WDR82: variants seen among roughly 807,000 people sequenced by gnomAD.
The protein encoded by WDR82 is WD repeat-containing protein 82.
A neutral mutation model predicts 36.1 loss-of-function variants in WDR82; 8 were observed. That is an observed-to-expected ratio of 0.22 (90% CI 0.13 to 0.40). The LOEUF is 0.40. Ranked by LOEUF, WDR82 falls within the 10% of genes least tolerant of loss-of-function variation. The pLI is 1.00. For missense variants in WDR82, 185 were observed against 400.5 expected (o/e 0.46, Z 4.59); for synonymous variants, 129 against 137.8 (o/e 0.94, Z 0.45).
In WDR82 at chr3:52,270,776, A is replaced by G. The variant is rs1172300305; in HGVS notation, c.195T>C (p.Gly65=). 1.2e-6 allele frequency: 2 copies of G among 1,612,922 alleles called. No individual in the cohort carries two copies. Among genetic ancestry groups the G allele is most frequent in the South Asian group, 2.2e-5 (2 of 90,786 alleles). Reference sequence around the variant, plus strand: ...CATGAGTGTATCTGATGAGGTCCACACCATATTTCTTACTGTACAGGGTTC... The same window carrying G: ...CATGAGTGTATCTGATGAGGTCCACGCCATATTTCTTACTGTACAGGGTTC... ...PKRTLYSKKY[G]VDLIRYTHAA... is the part of the protein sequence containing the mutation. Residue 65 remains glycine (G), a synonymous_variant, in exon 2 of 9, where the codon GGT becomes GGC. Transcript: ENST00000296490.
In WDR82 at chr3:52,278,428, T is replaced by G. The variant is rs1228397272; in HGVS notation, c.-67A>C. On this transcript the variant is annotated 5_prime_UTR_variant, in exon 1 of 9. Coordinates refer to ENST00000296490, the MANE Select transcript of WDR82 (RefSeq NM_025222.4). The stretch of plus-strand genomic sequence containing the variant: ...GGGGCCCGGCGGCGAGCGGGCGGGC[T>G]GCCGAGGGGCCAACCCAGGCGGGGC... 1 of 1,202,822 alleles carries G rather than the reference T, an allele frequency of 8.3e-7. No homozygotes were observed. The highest frequency in any genetic ancestry group is 1.6e-5 in the African/African-American group (1 of 61,774). 74.5% of individuals were successfully genotyped at this position (1,202,822 alleles called of 1,614,324 possible).
chr3:52,261,334 C>T lies in WDR82; in HGVS notation c.426+46G>A, dbSNP rs554719785. The T allele has an allele frequency of 2.3e-4, 347 of 1,538,714 alleles. 1 individual carries two copies. In the South Asian group the frequency reaches 2.8e-3, roughly 12 times the overall value. On this transcript the variant is annotated intron_variant, in intron 4 of 8. Transcript: ENST00000296490. ...TGAGAGGTAGAGTTCATTACAGTGCCTACCAAAGAAAATGCTCAAAAAGTA... is the reference window on the plus strand; with the variant it reads ...TGAGAGGTAGAGTTCATTACAGTGCTTACCAAAGAAAATGCTCAAAAAGTA...
intron 2 of WDR82, 180 bp from the exon 3 acceptor site, chr3:52,267,198 C>T (rs1374459159): frequency 1.1e-5 from 5 of 438,932 alleles, no homozygotes; most frequent in Non-Finnish European, 2.1e-5. Flanking sequence ...GTAGATTTCA[C>T]CTAACTCAAA....
intron 1 of WDR82, among the ~76,000 whole-genome samples, chr3:52,277,987 A>T (rs1700222450): frequency 6.6e-6 from 1 of 152,338 alleles, no homozygotes; most frequent in South Asian, 2.1e-4. Flanking sequence ...CATACAAATA[A>T]TATTATAAAA....
intron 8 of WDR82, among the ~76,000 whole-genome samples, chr3:52,257,820 G>A (rs932420779): frequency 9.2e-5 from 14 of 152,120 alleles, no homozygotes; most frequent in African/African-American, 3.1e-4. Context: ...GGGTGAATAA[G>A]TAACCTGTCC....
intron 1 of WDR82, among the ~76,000 whole-genome samples, chr3:52,273,757 G>C (rs888931425): frequency 1.3e-5 from 2 of 152,170 alleles, no homozygotes; most frequent in African/African-American, 4.8e-5. Context: ...GAGTAGCTGG[G>C]ATTACAGGCC....
chr3:52,268,219 A>G, intron 2 of WDR82: 1 of 428,216 alleles, frequency 2.3e-6, no homozygotes, highest in Non-Finnish European at 5.0e-6. Context: ...CTGGTTTCCC[A>G]GAGATGAGCA....
At chr3:52,269,196 C>T (rs964528376) in intron 2 of WDR82, among the ~76,000 whole-genome samples, 2 of 152,132 alleles carry the variant, frequency 1.3e-5, no homozygotes, top group African/African-American at 2.4e-5. Context: ...GAATCCTGGC[C>T]GGGCGTGGTG....
chr3:52,258,690 A>G lies in WDR82; in HGVS notation c.770-12T>C. ...GCCATCCTCTGAACCTAAAGAGGAT[A>G]TTCACGGAAAATGTAACAGCTCAAG... On this transcript the variant is annotated splice_polypyrimidine_tract_variant and intron_variant, in intron 7 of 8. Coordinates refer to ENST00000296490, the MANE Select transcript of WDR82 (RefSeq NM_025222.4). The G allele has an allele frequency of 1.2e-6, 2 of 1,614,216 alleles. No homozygotes were observed. Among genetic ancestry groups the G allele is most frequent in the South Asian group, 1.1e-5 (1 of 91,082 alleles).
At chr3:52,269,199 G>A (rs1485945048) in intron 2 of WDR82, among the ~76,000 whole-genome samples, 1 of 152,202 alleles carries the variant, frequency 6.6e-6, no homozygotes, top group Non-Finnish European at 1.5e-5. Flanking sequence ...TCCTGGCCGG[G>A]CGTGGTGGTT....
intron 4 of WDR82, among the ~76,000 whole-genome samples, chr3:52,261,155 C>G (rs1700057944): frequency 6.6e-6 from 1 of 152,152 alleles, no homozygotes; most frequent in African/African-American, 2.4e-5. Flanking sequence ...AACAAAACAA[C>G]AAAAAACCCA....
chr3:52,267,010 G>T lies in WDR82; in HGVS notation c.268C>A (p.Arg90Ser). 3 of 1,609,086 alleles carry T rather than the reference G, an allele frequency of 1.9e-6. No individual in the cohort carries two copies. In the South Asian group the frequency reaches 3.3e-5, roughly 18 times the overall value. Residue 90 changes from arginine to serine, a missense_variant, in exon 3 of 9, where the codon CGT (arginine) becomes AGT (serine). Around this residue, in one of 3 missense-constraint regions of WDR82, gnomAD observed 26 missense variants for 107.4 expected, o/e 0.24. Coordinates refer to ENST00000296490, the MANE Select transcript of WDR82 (RefSeq NM_025222.4). Reference protein sequence around the residue: ...YSSNKIDDTIRYLSLHDNKYI... With the variant: ...YSSNKIDDTISYLSLHDNKYI... ...TTGTTGTCATGCAAGGACAAGTAAC[G>T]AATAGTATCTGTAAAAAGACAAACA... is the stretch of plus-strand genomic sequence containing the variant.
chr3:52,270,847 T>C, intron 1 of WDR82, 38 bp from the exon 2 acceptor site: 1 of 1,477,090 alleles, frequency 6.8e-7, no homozygotes, highest in Non-Finnish European at 9.3e-7. Context: ...ATGAACATTC[T>C]CCATCATCAA....
At position 52,258,620 on chromosome 3, in the gene WDR82, C is replaced by T. The variant is rs377234087; in HGVS notation, c.828G>A (p.Val276=). ...TCGGGCCTGTGTGTTTACCATCCAACACAGCTACTTTTATACCGCTCTCTC... is the reference window on the plus strand; with the variant it reads ...TCGGGCCTGTGTGTTTACCATCCAATACAGCTACTTTTATACCGCTCTCTC... ...WNGESGIKVA[V]LDGKHTGPIT... The change falls in exon 8 of 9, where the codon GTG becomes GTA. Residue 276 remains valine, a synonymous_variant. Transcript: ENST00000296490. The T allele has an allele frequency of 6.2e-7, 1 of 1,614,220 alleles. No individual in the cohort carries two copies. The highest frequency in any genetic ancestry group is 8.5e-7 in the Non-Finnish European group (1 of 1,180,042).
At chr3:52,260,166 C>T (rs1700048433) in intron 5 of WDR82, among the ~76,000 whole-genome samples, 1 of 152,076 alleles carries the variant, frequency 6.6e-6, no homozygotes, top group African/African-American at 2.4e-5. Flanking sequence ...CCCATCTCTA[C>T]TAAATACAAA....
intron 1 of WDR82, among the ~76,000 whole-genome samples, chr3:52,274,583 AAAAC>A (rs1315018825): frequency 6.6e-6 from 1 of 151,832 alleles, no homozygotes; most frequent in Admixed American, 6.6e-5. Context: ...AACAAACAAA[AAAAC>A]AAAACAAAAC....
rs771559721 is a variant in WDR82 at position 52,259,232 on chromosome 3, G to C, written c.734C>G (p.Ala245Gly). 6.2e-7 allele frequency: 1 copy of C among 1,614,188 alleles called. No individual in the cohort carries two copies. The highest frequency in any genetic ancestry group is 8.5e-7 in the Non-Finnish European group (1 of 1,180,026). The part of the protein sequence containing the change: ...YANSKAVTLE[A>G]SFTPDSQFIM... ...AAACTGAGAGTCTGGAGTAAATGAA[G>C]CCTCCAGTGTGACAGCTTTGCTGTT... is the stretch of plus-strand genomic sequence containing the variant. Residue 245 changes from alanine to glycine, a missense_variant, in exon 7 of 9, where the codon GCT becomes GGT. Coordinates refer to ENST00000296490, the MANE Select transcript of WDR82 (RefSeq NM_025222.4).
At chr3:52,267,326 A>G (rs576590613) in intron 2 of WDR82, 1 of 268,118 alleles carries the variant, frequency 3.7e-6, no homozygotes, top group South Asian at 3.5e-5. Flanking sequence ...CCTGGTCAAA[A>G]AACAAAAACA....
At chr3:52,274,329 A>T (rs1013559600) in intron 1 of WDR82, among the ~76,000 whole-genome samples, 1 of 152,192 alleles carries the variant, frequency 6.6e-6, no homozygotes, top group Non-Finnish European at 1.5e-5. Flanking sequence ...GCACTTTGGG[A>T]GGCCTAGGTG....
Sources: allele counts gnomAD v4.1 joint callset (sites outside exome capture counted in the v4.1 genomes callset), GRCh38; gene constraint gnomAD v4.1.1; regional missense constraint gnomAD v4.1.1; transcripts MANE v1.5; gene names NCBI Gene and HGNC (gene_info 2026-07-23, HGNC 2026-07-21).